Variants in PRKAG2 observed in about 807,000 individuals in gnomAD.
PRKAG2 encodes protein kinase AMP-activated non-catalytic subunit gamma 2, also known as 5'-AMP-activated protein kinase subunit gamma-2.
A neutral mutation model predicts 69.6 loss-of-function variants in PRKAG2; 26 were observed. The ratio of observed to expected loss-of-function variants is 0.37; its 90% CI spans 0.27 to 0.52. The LOEUF is 0.52. Ranked by LOEUF, PRKAG2 falls within the 20% of genes least tolerant of loss-of-function variation. The pLI is 0.90. For missense variants in PRKAG2, 557 were observed against 740.0 expected (o/e 0.75, Z 2.87); for synonymous variants, 293 against 285.0 (o/e 1.03, Z -0.28).
At chr7:151,698,358 C>T (rs1837055412) in intron 3 of PRKAG2, among the ~76,000 whole-genome samples, 1 of 152,156 alleles carries the variant, frequency 6.6e-6, no homozygotes, top group Admixed American at 6.5e-5. Context: ...GCCTGTGCTT[C>T]CTGGGATCAT....
intron 3 of PRKAG2, among the ~76,000 whole-genome samples, chr7:151,752,776 A>G (rs6970962): frequency 0.51 from 77,226 of 152,138 alleles, 20,240 homozygotes; most frequent in East Asian, 0.8. Flanking sequence ...CAAGAAATAC[A>G]TATCAATCCT....
rs1269291541 is a variant in PRKAG2, at chr7:151,776,114, T to C, written c.466+5038A>G. ...GCCATAGGGCTCGGGGAGGGATGGC[T>C]TCTTTCAGGGAAAGCCAAGGAGCTG... On this transcript the variant is annotated intron_variant, in intron 3 of 15. Coordinates refer to ENST00000287878, the MANE Select transcript of PRKAG2 (RefSeq NM_016203.4). Among the ~76,000 whole-genome samples the C allele has an allele frequency of 2.6e-5, 4 of 152,312 alleles. No homozygotes were observed. The East Asian group carries it at 7.7e-4, about 29-fold the overall frequency.
At chr7:151,729,244 AT>A (rs377022970) in intron 3 of PRKAG2, among the ~76,000 whole-genome samples, 150 of 152,262 alleles carry the variant, frequency 9.9e-4, no homozygotes, top group Non-Finnish European at 1.9e-3. Context: ...CTGTCCCATC[AT>A]CCCAAATGCT....
rs2079453867 is a variant in PRKAG2, at chr7:151,847,237, C to A, written c.114+29270G>T. Among the ~76,000 whole-genome samples, 3 of 152,200 alleles carry A rather than the reference C, an allele frequency of 2.0e-5. No individual in the cohort carries two copies. The South Asian group carries it at 6.2e-4, about 31-fold the overall frequency. On this transcript the variant is annotated intron_variant, in intron 1 of 15. Coordinates refer to ENST00000287878, the MANE Select transcript of PRKAG2 (RefSeq NM_016203.4). ...GTCCACACAGCAGATACCAGCTTAA[C>A]TGTGTGGCCGAGATGGTACAGTGAA...
intron 6 of PRKAG2, among the ~76,000 whole-genome samples, chr7:151,578,005 T>A (rs891809804): frequency 6.6e-6 from 1 of 151,120 alleles, no homozygotes; most frequent in Admixed American, 6.6e-5. Flanking sequence ...TTTTTTTTTT[T>A]AACTAAAAGT....
Position 151,807,426 on chromosome 7 carries a change from T to A in PRKAG2, c.115-20885A>T. On this transcript the variant is annotated intron_variant, in intron 1 of 15. Coordinates refer to ENST00000287878, the MANE Select transcript of PRKAG2 (RefSeq NM_016203.4). This position sits in a 1 kb window ranked among gnomAD's most constrained non-coding sequence, Gnocchi z 4.4. ...GCTGTGGGTGACGGTCATACTTTAT[T>A]CTCTAAAACTCTCCAGTTTCAATTG... 2.2e-6 allele frequency: 1 copy of A among 457,832 alleles called. No individual in the cohort carries two copies. The highest frequency in any genetic ancestry group is 4.4e-6 in the Non-Finnish European group (1 of 226,958). The allele number at this position is 457,832 out of a possible 1,614,324, so 28.4% of individuals were successfully genotyped here. A position where few individuals can be genotyped will look rare whatever the true frequency, so the allele number is the denominator to read the frequency against.
chr7:151,568,752 A>T lies in PRKAG2; in HGVS notation c.1197T>A (p.Leu399=). 1 of 1,613,990 alleles carries T rather than the reference A, an allele frequency of 6.2e-7. No individual in the cohort carries two copies. The highest frequency in any genetic ancestry group is 8.5e-7 in the Non-Finnish European group (1 of 1,179,890). The change falls in exon 11 of 16, where the codon CTT becomes CTA. Residue 399 remains leucine, a synonymous_variant. Coordinates refer to ENST00000287878, the MANE Select transcript of PRKAG2 (RefSeq NM_016203.4). ...GGAACTTGAGGATTCTTTTGTGGGTAAGTATATAAAGTGCATTCCCACTGA... is the reference window on the plus strand; with the variant it reads ...GGAACTTGAGGATTCTTTTGTGGGTTAGTATATAAAGTGCATTCCCACTGA... The part of the protein sequence containing the change: ...DPISGNALYI[L]THKRILKFLQ...
At chr7:151,670,096 A>G (rs1563386885) in intron 4 of PRKAG2, among the ~76,000 whole-genome samples, 2 of 143,980 alleles carry the variant, frequency 1.4e-5, no homozygotes. Context: ...ACATACCTGC[A>G]TGCACATACA....
chr7:151,558,652 T>C (rs1804291047), intron 15 of PRKAG2: 1 of 978,726 alleles, frequency 1.0e-6, no homozygotes, highest in African/African-American at 1.8e-5. Flanking sequence ...TAACACGGAA[T>C]GTTTTCCTCA....
chr7:151,845,767 G>A (rs2079416048), intron 1 of PRKAG2, among the ~76,000 whole-genome samples: 1 of 152,224 alleles, frequency 6.6e-6, no homozygotes, highest in Non-Finnish European at 1.5e-5. Flanking sequence ...GGGCGGGAAA[G>A]GCCCCACCTA....
In PRKAG2 at chr7:151,850,218, C is replaced by T. The variant is rs1267161156; in HGVS notation, c.114+26289G>A. ...GGCACATCAAATGATTACACAGGGA[C>T]AGTGGGTGTGAACCGGGTGGGCCCA... On this transcript the variant is annotated intron_variant, in intron 1 of 15. Transcript: ENST00000287878. The surrounding 1 kb of genome is among the most constrained non-coding windows in gnomAD (Gnocchi z 4.1). Among the ~76,000 whole-genome samples the T allele has an allele frequency of 6.6e-6, 1 of 152,182 alleles. No homozygotes were observed. Among genetic ancestry groups the T allele is most frequent in the African/African-American group, 2.4e-5 (1 of 41,442 alleles).
rs1309407266 is a variant in PRKAG2 at position 151,855,157 on chromosome 7, A to G, written c.114+21350T>C. Among the ~76,000 whole-genome samples, 14 of 31,092 alleles carry G rather than the reference A, an allele frequency of 4.5e-4. 2 individuals are homozygous for G. The East Asian group carries it at 5.2e-3, about 12-fold the overall frequency. 20.4% of individuals were successfully genotyped at this position (31,092 alleles called of 152,430 possible). A position where few individuals can be genotyped will look rare whatever the true frequency, so the allele number is the denominator to read the frequency against. On this transcript the variant is annotated intron_variant, in intron 1 of 15. Transcript: ENST00000287878. Reference sequence around the variant, plus strand: ...ACACACACCACCCTACACACACACCATCCTCCACACACACCACCCTCCACA... The same window carrying G: ...ACACACACCACCCTACACACACACCGTCCTCCACACACACCACCCTCCACA...
At chr7:151,742,625 CAA>C (rs562390958) in intron 3 of PRKAG2, among the ~76,000 whole-genome samples, 3 of 135,654 alleles carry the variant, frequency 2.2e-5, no homozygotes, top group Admixed American at 7.8e-5. Flanking sequence ...TTACATCTCA[CAA>C]AAAAAAAAAA....
intron 4 of PRKAG2, among the ~76,000 whole-genome samples, chr7:151,635,037 C>T (rs1825510014): frequency 6.6e-6 from 1 of 151,070 alleles, no homozygotes; most frequent in African/African-American, 2.4e-5. Flanking sequence ...GCAACCTCTA[C>T]CTCCCAGGTT....
chr7:151,683,733 C>T (rs931408466), intron 3 of PRKAG2, among the ~76,000 whole-genome samples: 5 of 152,080 alleles, frequency 3.3e-5, no homozygotes, highest in African/African-American at 9.7e-5. Context: ...AGGTGCCCAA[C>T]GAAAGTGCCA....
intron 1 of PRKAG2, among the ~76,000 whole-genome samples, chr7:151,806,257 T>C (rs2078095512): frequency 6.6e-6 from 1 of 152,216 alleles, no homozygotes; most frequent in Admixed American, 6.5e-5. Flanking sequence ...CCTTTTGGGG[T>C]GCTCTTGGGT....
At chr7:151,776,353 T>C (rs1586450171) in intron 3 of PRKAG2, among the ~76,000 whole-genome samples, 1 of 152,288 alleles carries the variant, frequency 6.6e-6, no homozygotes, top group East Asian at 1.9e-4. Flanking sequence ...AACCGGGCTG[T>C]AACAGGCTCT....
At chr7:151,610,424 A>G (rs1818510337) in intron 5 of PRKAG2, among the ~76,000 whole-genome samples, 1 of 151,212 alleles carries the variant, frequency 6.6e-6, no homozygotes, top group Non-Finnish European at 1.5e-5. Flanking sequence ...TACGGCTGTA[A>G]TCCCAGCACT....
intron 4 of PRKAG2, among the ~76,000 whole-genome samples, chr7:151,647,571 G>C (rs184368394): frequency 6.6e-6 from 1 of 152,316 alleles, no homozygotes; most frequent in African/African-American, 2.4e-5. Context: ...ATTTTGAAGG[G>C]AGCAAGGAAA....
Sources: allele counts gnomAD v4.1 joint callset (sites outside exome capture counted in the v4.1 genomes callset), GRCh38; gene constraint gnomAD v4.1.1; non-coding constraint Gnocchi (gnomAD v3.1); transcripts MANE v1.5; gene names NCBI Gene and HGNC (gene_info 2026-07-23, HGNC 2026-07-21).